TAOK3: variants seen among roughly 807,000 people sequenced by gnomAD.
The protein encoded by TAOK3 is serine/threonine-protein kinase TAO3.
A neutral mutation model predicts 120.4 loss-of-function variants in TAOK3; 40 were observed. That is an observed-to-expected ratio of 0.33 (90% CI 0.26 to 0.43). TAOK3 has a LOEUF of 0.43. Among genes scored for constraint, TAOK3 ranks in the 20% least tolerant of loss-of-function variants. The pLI is 1.00. For synonymous variants in TAOK3, 355 were observed against 387.5 expected (o/e 0.92, Z 0.99); for missense variants, 821 against 1,112.1 (o/e 0.74, Z 3.72).
chr12:118,188,250 C>T (rs1476163663), intron 14 of TAOK3, among the ~76,000 whole-genome samples: 1 of 152,148 alleles, frequency 6.6e-6, no homozygotes, highest in African/African-American at 2.4e-5. Flanking sequence ...TCACAAGAGT[C>T]GATGGTAAGT....
intron 19 of TAOK3, among the ~76,000 whole-genome samples, chr12:118,158,975 T>C (rs990167733): frequency 6.6e-6 from 1 of 152,192 alleles, no homozygotes; most frequent in Admixed American, 6.5e-5. Flanking sequence ...TTATGCCTAT[T>C]TGGTAAACTA....
intron 1 of TAOK3, among the ~76,000 whole-genome samples, chr12:118,322,562 G>A (rs1017736129): frequency 7.2e-5 from 11 of 151,910 alleles, no homozygotes; most frequent in South Asian, 6.2e-4. Context: ...CTGTGTTGTA[G>A]TGTGAGAGCA....
rs1358600891 is a variant in TAOK3, at chr12:118,160,566, A to G, written c.2140-208T>C. Among the ~76,000 whole-genome samples the G allele has an allele frequency of 6.6e-6, 1 of 152,198 alleles. No homozygotes were observed. The highest frequency in any genetic ancestry group is 2.4e-5 in the African/African-American group (1 of 41,448). On this transcript the variant is annotated intron_variant, in intron 18 of 20. Coordinates refer to ENST00000392533, the MANE Select transcript of TAOK3 (RefSeq NM_016281.4). This position sits in a 1 kb window ranked among gnomAD's most constrained non-coding sequence, Gnocchi z 4.2. ...TTTGGTTTTATATTGAATGACTATA[A>G]GTAATTTTGAATTTACAAATGGGGT...
intron 2 of TAOK3, among the ~76,000 whole-genome samples, chr12:118,258,347 T>C (rs151303484): frequency 4.3e-4 from 65 of 152,256 alleles, no homozygotes; most frequent in Middle Eastern, 3.4e-3. Flanking sequence ...ATAAAGTTAC[T>C]ACATCAATAC....
intron 17 of TAOK3, among the ~76,000 whole-genome samples, chr12:118,169,846 G>A (rs1044675598): frequency 9.2e-5 from 14 of 151,848 alleles, no homozygotes; most frequent in African/African-American, 3.4e-4. Flanking sequence ...TCAGCCTCCC[G>A]AGTAGCTGGG....
chr12:118,172,436 A>G, intron 17 of TAOK3, 21 bp downstream of exon 17: 1 of 1,611,542 alleles, frequency 6.2e-7, no homozygotes, highest in Non-Finnish European at 8.5e-7. Context: ...CAATGACAAT[A>G]GTTACGAGCG....
At chr12:118,312,100 C>T (rs927679981) in intron 1 of TAOK3, among the ~76,000 whole-genome samples, 5 of 151,976 alleles carry the variant, frequency 3.3e-5, no homozygotes, top group Admixed American at 6.6e-5. Context: ...ATAATATATT[C>T]AAAATCAGTT....
intron 2 of TAOK3, among the ~76,000 whole-genome samples, chr12:118,263,715 G>T (rs2041327161): frequency 6.6e-6 from 1 of 152,148 alleles, no homozygotes; most frequent in African/African-American, 2.4e-5. Flanking sequence ...AAGTGAGATG[G>T]ATGAATGGCA....
intron 1 of TAOK3, among the ~76,000 whole-genome samples, chr12:118,314,183 G>A (rs1044680680): frequency 6.6e-6 from 1 of 152,064 alleles, no homozygotes; most frequent in Non-Finnish European, 1.5e-5. Flanking sequence ...AAAAGAGTTG[G>A]GTCCCAAAAG....
chr12:118,336,688 A>T (rs1417189356), intron 1 of TAOK3, among the ~76,000 whole-genome samples: 1 of 152,222 alleles, frequency 6.6e-6, no homozygotes, highest in East Asian at 1.9e-4. Flanking sequence ...GTATTTGCAA[A>T]CCACATATCT....
At chr12:118,332,392 C>T (rs1784954641) in intron 1 of TAOK3, among the ~76,000 whole-genome samples, 1 of 151,994 alleles carries the variant, frequency 6.6e-6, no homozygotes, top group African/African-American at 2.4e-5. Context: ...CATTAATAAG[C>T]CTATCCTGAA....
intron 17 of TAOK3, among the ~76,000 whole-genome samples, chr12:118,167,104 C>T (rs2035652006): frequency 6.6e-6 from 1 of 152,062 alleles, no homozygotes; most frequent in African/African-American, 2.4e-5. Context: ...TTAATGCCTT[C>T]TTAGTTTCAG....
At chr12:118,339,435 T>A (rs973760074) in intron 1 of TAOK3, among the ~76,000 whole-genome samples, 10 of 151,652 alleles carry the variant, frequency 6.6e-5, no homozygotes, top group African/African-American at 2.2e-4. Context: ...AATTCTCAAA[T>A]ACACTGCGTT....
intron 1 of TAOK3, among the ~76,000 whole-genome samples, chr12:118,282,390 A>G (rs1230947135): frequency 6.6e-6 from 1 of 152,238 alleles, no homozygotes; most frequent in Non-Finnish European, 1.5e-5. Flanking sequence ...CTGTGATTCC[A>G]CTGAACAGCT....
intron 1 of TAOK3, among the ~76,000 whole-genome samples, chr12:118,369,767 C>T (rs1207779891): frequency 6.6e-6 from 1 of 152,066 alleles, no homozygotes; most frequent in East Asian, 1.9e-4. Context: ...AAAAAAAATA[C>T]ACTCAATACA....
Position 118,372,196 on chromosome 12 carries a change from C to T in TAOK3, c.-194+452G>A, listed in dbSNP as rs1013142868. ...CTCCCCGGGTGCTGTCCCAGCCCCT[C>T]TCGGGGTCCCCATCTCTCAGACTCT... is the stretch of plus-strand genomic sequence containing the variant. On this transcript the variant is annotated intron_variant, in intron 1 of 20. Transcript: ENST00000392533. The surrounding 1 kb of genome is among the most constrained non-coding windows in gnomAD (Gnocchi z 4.6). Among the ~76,000 whole-genome samples, 4 of 151,360 alleles carry T rather than the reference C, an allele frequency of 2.6e-5. No individual in the cohort carries two copies. The highest frequency in any genetic ancestry group is 4.4e-5 in the Non-Finnish European group (3 of 67,782).
At chr12:118,356,205 A>C (rs2141264768) in intron 1 of TAOK3, among the ~76,000 whole-genome samples, 1 of 152,128 alleles carries the variant, frequency 6.6e-6, no homozygotes, top group South Asian at 2.1e-4. Flanking sequence ...TGGGAATGTA[A>C]CTGTCCCCTC....
At chr12:118,270,803 T>C (rs1217404802) in intron 1 of TAOK3, among the ~76,000 whole-genome samples, 1 of 151,872 alleles carries the variant, frequency 6.6e-6, no homozygotes, top group African/African-American at 2.4e-5. Flanking sequence ...GCCTCCCCAG[T>C]AGCTGGGACT....
chr12:118,242,634 T>C (rs1389304727), intron 5 of TAOK3, among the ~76,000 whole-genome samples: 1 of 152,044 alleles, frequency 6.6e-6, no homozygotes, highest in East Asian at 1.9e-4. Flanking sequence ...CTGAGGCAGG[T>C]GGATCACCTG....
Sources: allele counts gnomAD v4.1 joint callset (sites outside exome capture counted in the v4.1 genomes callset), GRCh38; gene constraint gnomAD v4.1.1; non-coding constraint Gnocchi (gnomAD v3.1); transcripts MANE v1.5; gene names NCBI Gene and HGNC (gene_info 2026-07-23, HGNC 2026-07-21).